Variants in SAG observed in about 807,000 individuals in gnomAD.
The protein encoded by SAG is S-antigen visual arrestin.
SAG carries 45 observed loss-of-function variants against 55.0 expected under a neutral mutation model. The observed-to-expected ratio is 0.82, with a 90% CI of 0.64 to 1.05. The LOEUF (loss-of-function observed/expected upper bound fraction) is 1.05, where lower values mean the gene tolerates loss of function less well. SAG is among the 50% of genes least tolerant of loss of function. SAG has a pLI of 0.00. For missense variants in SAG, 455 were observed against 512.1 expected (o/e 0.89, Z 1.08); for synonymous variants, 189 against 197.4 (o/e 0.96, Z 0.36).
At chr2:233,322,918 A>G (rs767805743) in intron 5 of SAG, 28 bp from the exon 6 acceptor site, 3 of 1,402,416 alleles carry the variant, frequency 2.1e-6, no homozygotes, top group Non-Finnish European at 2.0e-6. Flanking sequence ...TCTGAAATAA[A>G]TGATTTTTTA....
intron 10 of SAG, 123 bp from the exon 11 acceptor site, chr2:233,334,839 C>A: frequency 1.7e-6 from 2 of 1,179,982 alleles, no homozygotes; most frequent in Non-Finnish European, 2.4e-6. Flanking sequence ...GCTCTTGAAC[C>A]CACCTTCCCA....
At chr2:233,323,751 C>T (rs1006642632) in intron 6 of SAG, among the ~76,000 whole-genome samples, 1 of 152,094 alleles carries the variant, frequency 6.6e-6, no homozygotes, top group African/African-American at 2.4e-5. Context: ...CTCTATGAAC[C>T]CATCACTCAT....
chr2:233,313,042 A>T (rs925158412), intron 2 of SAG, among the ~76,000 whole-genome samples: 7 of 152,148 alleles, frequency 4.6e-5, no homozygotes, highest in Non-Finnish European at 1.0e-4. Flanking sequence ...TGAAAGCAGT[A>T]TTTGCCTAAT....
intron 2 of SAG, among the ~76,000 whole-genome samples, chr2:233,312,486 CATG>C (rs1458533403): frequency 6.6e-6 from 1 of 152,226 alleles, no homozygotes; most frequent in East Asian, 1.9e-4. Context: ...GCCCCTGATA[CATG>C]ATAAGCACTC....
intron 2 of SAG, among the ~76,000 whole-genome samples, chr2:233,312,184 C>T (rs1448280446): frequency 6.6e-6 from 1 of 152,112 alleles, no homozygotes; most frequent in Non-Finnish European, 1.5e-5. Flanking sequence ...CACCAACTAC[C>T]CTCGACCCTA....
At chr2:233,323,583 G>A (rs189922178) in intron 6 of SAG, among the ~76,000 whole-genome samples, 21 of 147,212 alleles carry the variant, frequency 1.4e-4, no homozygotes, top group African/African-American at 5.3e-4. Context: ...GGCTGGTCTC[G>A]AACTCCCGAC....
intron 11 of SAG, among the ~76,000 whole-genome samples, chr2:233,337,095 C>CA (rs5839479): frequency 0.035 from 4,914 of 142,246 alleles, 260 homozygotes; most frequent in African/African-American, 0.12. Context: ...GACCCTGTCT[C>CA]AAAAAAAAAA....
In SAG at chr2:233,338,937, G is replaced by A. The variant is rs550727244; in HGVS notation, c.1022+184G>A. 6 of 697,132 alleles carry A rather than the reference G, an allele frequency of 8.6e-6. No individual in the cohort carries two copies. In the East Asian group the frequency reaches 1.6e-4, roughly 19 times the overall value. 43.2% of individuals were successfully genotyped at this position (697,132 alleles called of 1,614,324 possible). ...GTACCATGCTTCTGTCTGATAAAAT[G>A]TCAGGTGGGAAAGGGTGGAGAAGCA... On this transcript the variant is annotated intron_variant, in intron 12 of 15. Transcript: ENST00000409110.
At chr2:233,345,432 G>A (rs1034029071) in intron 14 of SAG, 41 of 152,374 alleles carry the variant, frequency 2.7e-4, no homozygotes, top group African/African-American at 8.2e-4. Context: ...GGGTCCCGAG[G>A]ACATGGAAGG....
intron 10 of SAG, 94 bp from the exon 11 acceptor site, chr2:233,334,868 G>A (rs570772675): frequency 1.8e-5 from 27 of 1,482,086 alleles, no homozygotes; most frequent in South Asian, 5.9e-5. Flanking sequence ...ATCAGGGGAT[G>A]TGGATCCTGG....
At chr2:233,334,018 C>G (rs187602396) in intron 10 of SAG, 1 of 152,210 alleles carries the variant, frequency 6.6e-6, no homozygotes, top group South Asian at 2.1e-4. Flanking sequence ...GGTCCTGATG[C>G]TGGCCACACC....
chr2:233,314,526 A>C (rs979140064), intron 2 of SAG, among the ~76,000 whole-genome samples: 3 of 152,188 alleles, frequency 2.0e-5, no homozygotes, highest in African/African-American at 7.2e-5. Flanking sequence ...TCTTGAGGGC[A>C]AGGCCAAGAC....
chr2:233,334,963 G>GA lies in SAG; in HGVS notation c.813dup (p.Val272SerfsTer19). 1 of 1,613,962 alleles carries GA rather than the reference G, an allele frequency of 6.2e-7. No individual in the cohort carries two copies. On this transcript the variant is annotated frameshift_variant and splice_region_variant, in exon 11 of 16. Transcript: ENST00000409110. LOFTEE classifies it high-confidence loss of function. Reference sequence around the variant, plus strand: ...TCTCCTCTGTTCTTCTTCCTCTAGAGAAAAAGTGCCACCAAACAGCACTTT... The same window carrying GA: ...TCTCCTCTGTTCTTCTTCCTCTAGAGAAAAAAGTGCCACCAAACAGCACTTT...
intron 3 of SAG, among the ~76,000 whole-genome samples, chr2:233,317,125 G>C (rs540716772): frequency 2.6e-5 from 4 of 152,280 alleles, no homozygotes; most frequent in Non-Finnish European, 5.9e-5. Flanking sequence ...GCCTCCCAAA[G>C]TGCTGAGATT....
Position 233,319,970 on chromosome 2 carries a change from G to C in SAG, c.182-660G>C, listed in dbSNP as rs1230870046. ...AAATATGTGCTTCGTGTCTTTTTTA[G>C]AAGGTGTAGTGAACTTCATACAATT... On this transcript the variant is annotated intron_variant, in intron 4 of 15. Coordinates refer to ENST00000409110, the MANE Select transcript of SAG (RefSeq NM_000541.5). This position sits in a 1 kb window ranked among gnomAD's most constrained non-coding sequence, Gnocchi z 4.4. 1 of 985,382 alleles carries C rather than the reference G, an allele frequency of 1.0e-6. No individual in the cohort carries two copies. The allele number at this position is 985,382 out of a possible 1,614,324, so 61.0% of individuals were successfully genotyped here.
chr2:233,316,571 A>C (rs909447580), intron 3 of SAG, among the ~76,000 whole-genome samples: 5 of 152,192 alleles, frequency 3.3e-5, no homozygotes, highest in African/African-American at 9.7e-5. Flanking sequence ...TCGGCCTCCC[A>C]AAGTGCTGGG....
chr2:233,342,324 C>T lies in SAG; in HGVS notation c.1100C>T (p.Pro367Leu), dbSNP rs1220255472. ...CTCATGCACCCTCAGCCTGAGGACC[C>T]AGGTCAGTTATGTCCTTTTTTAGCT... is the stretch of plus-strand genomic sequence containing the variant. ...FRLMHPQPED[P>L]AKESYQDANL... Residue 367 changes from proline (P) to leucine (L), a missense_variant and splice_region_variant, in exon 14 of 16, where the codon CCA becomes CTA. Pro to Leu is a moderately conservative substitution (Grantham distance 98, BLOSUM62 -3). Coordinates refer to ENST00000409110, the MANE Select transcript of SAG (RefSeq NM_000541.5). 1 of 1,605,224 alleles carries T rather than the reference C, an allele frequency of 6.2e-7. No individual in the cohort carries two copies. The highest frequency in any genetic ancestry group is 2.2e-5 in the East Asian group (1 of 44,762).
Position 233,320,784 on chromosome 2 carries a change from TA to T in SAG, c.341del (p.Lys114SerfsTer11). On this transcript the variant is annotated frameshift_variant, in exon 5 of 16. Transcript: ENST00000409110. LOFTEE classifies it high-confidence loss of function. ...TPTKLQESLL[K>X]KLGSNTYPFL... ...CCACAAAACTGCAAGAGAGCCTGCTTAAAAAGCTGGGGAGCAACACGTACCC... is the reference window on the plus strand; with the variant it reads ...CCACAAAACTGCAAGAGAGCCTGCTTAAAAGCTGGGGAGCAACACGTACCC... 6.2e-7 allele frequency: 1 copy of T among 1,605,004 alleles called. No homozygotes were observed. Among genetic ancestry groups the T allele is most frequent in the South Asian group, 1.1e-5 (1 of 89,350 alleles).
At chr2:233,316,730 AG>A (rs1428435291) in intron 3 of SAG, among the ~76,000 whole-genome samples, 1 of 152,238 alleles carries the variant, frequency 6.6e-6, no homozygotes, top group East Asian at 1.9e-4. Flanking sequence ...AAAGACAGGA[AG>A]ATACATTTCA....
Sources: gnomAD v4.1 joint callset for allele counts (sites outside exome capture counted in the v4.1 genomes callset) on GRCh38, gnomAD v4.1.1 for gene constraint, Gnocchi (gnomAD v3.1) non-coding constraint, MANE v1.5 for transcripts, NCBI Gene and HGNC (gene_info 2026-07-23, HGNC 2026-07-21) for gene names.